NPHP1: variants seen among roughly 807,000 people sequenced by gnomAD.
NPHP1 encodes nephrocystin 1, also known as nephrocystin-1.
A neutral mutation model predicts 90.4 loss-of-function variants in NPHP1; 70 were observed. That is an observed-to-expected ratio of 0.77 (90% confidence interval 0.64 to 0.95). NPHP1 has a LOEUF of 0.95. NPHP1 is among the 40% of genes least tolerant of loss of function. NPHP1 has a pLI of 0.00. For synonymous variants in NPHP1, 256 were observed against 271.7 expected (o/e 0.94, Z 0.57); for missense variants, 764 against 795.9 (o/e 0.96, Z 0.48).
intron 6 of NPHP1, among the ~76,000 whole-genome samples, chr2:110,166,517 C>A (rs759437702): frequency 7.9e-5 from 12 of 152,122 alleles, no homozygotes; most frequent in Non-Finnish European, 1.3e-4. Flanking sequence ...CAGCTTATGC[C>A]TTTTGAATTC....
chr2:110,176,231 T>C (rs1239051014), intron 4 of NPHP1, among the ~76,000 whole-genome samples: 3 of 152,160 alleles, frequency 2.0e-5, no homozygotes, highest in Non-Finnish European at 4.4e-5. Context: ...TGAGTCTATA[T>C]GTTGAATCAG....
At chr2:110,149,765 C>T (rs1181799212) in intron 12 of NPHP1, among the ~76,000 whole-genome samples, 1 of 152,160 alleles carries the variant, frequency 6.6e-6, no homozygotes, top group African/African-American at 2.4e-5. Context: ...AATGCTGACT[C>T]AGTGGTTTAA....
intron 10 of NPHP1, among the ~76,000 whole-genome samples, chr2:110,160,630 T>A (rs1682241915): frequency 6.6e-6 from 1 of 152,178 alleles, no homozygotes; most frequent in Admixed American, 6.5e-5. Context: ...CAATGCCACC[T>A]GGCATTAAGA....
chr2:110,154,035 A>G (rs1342751641), intron 11 of NPHP1, among the ~76,000 whole-genome samples: 1 of 151,784 alleles, frequency 6.6e-6, no homozygotes, highest in Non-Finnish European at 1.5e-5. Flanking sequence ...GTTTCACTGT[A>G]TCCCCACCCA....
chr2:110,141,218 C>A (rs1038009493), intron 16 of NPHP1, among the ~76,000 whole-genome samples: 2 of 152,100 alleles, frequency 1.3e-5, no homozygotes, highest in African/African-American at 4.8e-5. Flanking sequence ...GATATAGCAC[C>A]ATCTACCTGG....
intron 16 of NPHP1, among the ~76,000 whole-genome samples, chr2:110,140,027 C>A (rs1680513208): frequency 6.6e-6 from 1 of 152,066 alleles, no homozygotes; most frequent in South Asian, 2.1e-4. Context: ...CAGCCCCACC[C>A]CGCCCCCTGA....
chr2:110,134,121 T>C (rs1287782048), intron 16 of NPHP1, among the ~76,000 whole-genome samples: 4 of 151,996 alleles, frequency 2.6e-5, no homozygotes, highest in African/African-American at 9.7e-5. Context: ...TTAGTGAGAA[T>C]GACTAAGGAA....
At chr2:110,172,713 G>A (rs1308590096) in intron 4 of NPHP1, among the ~76,000 whole-genome samples, 2 of 152,062 alleles carry the variant, frequency 1.3e-5, no homozygotes, top group Non-Finnish European at 1.5e-5. Flanking sequence ...GAGCCTGGGA[G>A]GTGGACGTTG....
intron 16 of NPHP1, among the ~76,000 whole-genome samples, chr2:110,139,059 C>G (rs1226912613): frequency 6.6e-6 from 1 of 152,082 alleles, no homozygotes; most frequent in Admixed American, 6.5e-5. Context: ...CCAGCAAACT[C>G]TGGCAATGAA....
At chr2:110,132,083 T>C (rs971851461) in intron 16 of NPHP1, among the ~76,000 whole-genome samples, 1 of 152,164 alleles carries the variant, frequency 6.6e-6, no homozygotes, top group Non-Finnish European at 1.5e-5. Flanking sequence ...CCACTAATTA[T>C]GTTTTGGAAA....
chr2:110,140,611 T>G (rs536285887), intron 16 of NPHP1, among the ~76,000 whole-genome samples: 1 of 152,192 alleles, frequency 6.6e-6, no homozygotes, highest in African/African-American at 2.4e-5. Flanking sequence ...TTCCGGACTC[T>G]TGGAAGCTTA....
rs534210307 is a variant in NPHP1 at position 110,146,853 on chromosome 2, T to C, written c.1270-18A>G. On this transcript the variant is annotated intron_variant, in intron 13 of 19. Transcript: ENST00000445609. ...CCAGTTGACTAGGAAATAAGACAAGTATATGAAACTTAAGGTCTGAACTAG... is the reference window on the plus strand; with the variant it reads ...CCAGTTGACTAGGAAATAAGACAAGCATATGAAACTTAAGGTCTGAACTAG... 357 of 1,585,684 alleles carry C rather than the reference T, an allele frequency of 2.3e-4. 1 individual carries two copies. The highest frequency in any genetic ancestry group is 4.0e-4 in the East Asian group (18 of 44,712).
intron 10 of NPHP1, 46 bp downstream of exon 10, chr2:110,161,557 C>CA (rs773935752): frequency 6.3e-6 from 8 of 1,279,882 alleles, no homozygotes; most frequent in Admixed American, 1.7e-5. Flanking sequence ...GCAACTATGA[C>CA]AAAATCTGGA....
chr2:110,135,291 C>G (rs1443979078), intron 16 of NPHP1, among the ~76,000 whole-genome samples: 1 of 151,478 alleles, frequency 6.6e-6, no homozygotes, highest in Non-Finnish European at 1.5e-5. Flanking sequence ...TCTTGGCTAA[C>G]ACGGTGAAAC....
At chr2:110,153,573 A>T (rs535494303) in intron 11 of NPHP1, among the ~76,000 whole-genome samples, 4 of 152,314 alleles carry the variant, frequency 2.6e-5, no homozygotes, top group Non-Finnish European at 5.9e-5. Context: ...TAACACTAGT[A>T]GACTGTGGTA....
At chr2:110,203,949 A>G (rs1356114219) in intron 1 of NPHP1, among the ~76,000 whole-genome samples, 1 of 152,100 alleles carries the variant, frequency 6.6e-6, no homozygotes, top group Non-Finnish European at 1.5e-5. Flanking sequence ...ATTTTTATAA[A>G]TATGAAAAAG....
chr2:110,184,501 C>T lies in NPHP1; in HGVS notation c.144-4817G>A. ...ATGTAAGCTGTGCTCAGCCTTTATGCCACAGGCAGGACCACGGGGGTGGTG... is the reference window on the plus strand; with the variant it reads ...ATGTAAGCTGTGCTCAGCCTTTATGTCACAGGCAGGACCACGGGGGTGGTG... On this transcript the variant is annotated intron_variant, in intron 2 of 19. Coordinates refer to ENST00000445609, the MANE Select transcript of NPHP1 (RefSeq NM_001128178.3). The T allele has an allele frequency of 2.8e-6, 3 of 1,053,442 alleles. No individual in the cohort carries two copies. In the East Asian group the frequency reaches 7.4e-5, roughly 26 times the overall value. The allele number at this position is 1,053,442 out of a possible 1,614,324, so 65.3% of individuals were successfully genotyped here.
intron 4 of NPHP1, among the ~76,000 whole-genome samples, chr2:110,174,018 T>C (rs1422001809): frequency 6.6e-6 from 1 of 152,150 alleles, no homozygotes; most frequent in African/African-American, 2.4e-5. Flanking sequence ...ATATCTGATA[T>C]TATTGTAACC....
intron 3 of NPHP1, chr2:110,178,914 C>A (rs1683693559): frequency 5.6e-6 from 1 of 178,054 alleles, no homozygotes; most frequent in African/African-American, 2.4e-5. Flanking sequence ...TGCTTCACCA[C>A]TGAGAGCTTC....
Sources: allele counts gnomAD v4.1 joint callset (sites outside exome capture counted in the v4.1 genomes callset), GRCh38; gene constraint gnomAD v4.1.1; transcripts MANE v1.5; gene names NCBI Gene and HGNC (gene_info 2026-07-23, HGNC 2026-07-21).